GPRC6A: variants seen among roughly 807,000 people sequenced by gnomAD.
GPRC6A encodes the protein G protein-coupled receptor family C group 6 member A.
In GPRC6A, 54 loss-of-function variants were observed where a neutral mutation model predicts 47.0. That is an observed-to-expected ratio of 1.15 (90% CI 0.92 to 1.44). The LOEUF is 1.44. GPRC6A is among the 40% of genes most tolerant of loss of function. GPRC6A has a pLI of 0.00. For missense variants in GPRC6A, 1,112 were observed against 1,105.5 expected, an observed-to-expected ratio of 1.01 and a Z score of -0.08; for synonymous variants, 347 against 377.1, an observed-to-expected ratio of 0.92 and a Z score of 0.93.
At position 116,792,344 on chromosome 6, in the gene GPRC6A, C is replaced by T. The variant is rs765958789; in HGVS notation, c.2579G>A (p.Ser860Asn). ...LKMIYSYSSHSVSSIALSPAS... is the reference protein window; with the variant it reads ...LKMIYSYSSHNVSSIALSPAS... ...AGGACTCAGGGCAATGCTGCTCACA[C>T]TATGGGAAGAATAACTGTAGATCAT... The change falls in exon 6 of 6, where the codon AGT (serine) becomes AAT (asparagine). Residue 860 changes from serine to asparagine, a missense_variant. Coordinates refer to ENST00000310357, the MANE Select transcript of GPRC6A (RefSeq NM_148963.4). The T allele has an allele frequency of 2.0e-5, 32 of 1,613,896 alleles. No individual in the cohort carries two copies. The highest frequency in any genetic ancestry group is 2.6e-5 in the Non-Finnish European group (31 of 1,179,956).
chr6:116,824,199 A>G (rs1311241126), intron 1 of GPRC6A, among the ~76,000 whole-genome samples: 1 of 152,090 alleles, frequency 6.6e-6, no homozygotes, highest in African/African-American at 2.4e-5. Context: ...CTAGAAAAGC[A>G]AAAAAACATA....
chr6:116,825,349 C>A (rs112574480), intron 1 of GPRC6A, among the ~76,000 whole-genome samples: 7 of 151,984 alleles, frequency 4.6e-5, no homozygotes, highest in Non-Finnish European at 7.4e-5. Context: ...AAAGACTCCA[C>A]AAAAATCCTC....
At chr6:116,822,725 G>T (rs564713484) in intron 1 of GPRC6A, among the ~76,000 whole-genome samples, 1 of 129,082 alleles carries the variant, frequency 7.7e-6, no homozygotes, top group Non-Finnish European at 1.6e-5. Context: ...TTGGGGGAGG[G>T]GGGAGGGATA....
chr6:116,816,684 C>T (rs1214473799), intron 1 of GPRC6A, among the ~76,000 whole-genome samples: 2 of 152,190 alleles, frequency 1.3e-5, no homozygotes, highest in Non-Finnish European at 2.9e-5. Context: ...GTGCACGCAC[C>T]GTGCGCGAAC....
rs553166305 is a variant in GPRC6A, at chr6:116,792,569, G to A, written c.2354C>T (p.Thr785Ile). ...TATGAAGTAAATGAGCATGCCAAAT[G>A]TAATGAATTTGGCTTCATTGTAATT... Reference protein sequence around the residue: ...YENYNEAKFITFGMLIYFIAW... With the variant: ...YENYNEAKFIIFGMLIYFIAW... Residue 785 changes from threonine to isoleucine, a missense_variant, in exon 6 of 6, where the codon ACA becomes ATA. By Grantham distance (89) the Thr-to-Ile change is moderately conservative. Coordinates refer to ENST00000310357, the MANE Select transcript of GPRC6A (RefSeq NM_148963.4). 5 of 1,611,218 alleles carry A rather than the reference G, an allele frequency of 3.1e-6. No homozygotes were observed. The highest frequency in any genetic ancestry group is 2.5e-6 in the Non-Finnish European group (3 of 1,178,512).
At chr6:116,799,623 T>C (rs7768739) in intron 4 of GPRC6A, among the ~76,000 whole-genome samples, 25,006 of 151,980 alleles carry the variant, frequency 0.16, 3,336 homozygotes, top group African/African-American at 0.37. Context: ...GAAATTGGGG[T>C]CATTAAATGT....
At chr6:116,822,012 A>T in intron 1 of GPRC6A, among the ~76,000 whole-genome samples, 1 of 143,368 alleles carries the variant, frequency 7.0e-6, no homozygotes, top group Admixed American at 7.0e-5. Flanking sequence ...ACAAATTTAC[A>T]AGAAAAAAAC....
chr6:116,795,936 T>C (rs1772473733), intron 4 of GPRC6A, 101 bp from the exon 5 acceptor site: 1 of 728,584 alleles, frequency 1.4e-6, no homozygotes, highest in Non-Finnish European at 2.1e-6. Flanking sequence ...TACTAAATAC[T>C]ATTTTGGTCT....
chr6:116,793,636 C>G (rs1252224397), intron 5 of GPRC6A, among the ~76,000 whole-genome samples: 1 of 152,120 alleles, frequency 6.6e-6, no homozygotes. Flanking sequence ...CTTATAATTC[C>G]TGTAAACTTG....
chr6:116,820,660 C>A (rs1386280266), intron 1 of GPRC6A, among the ~76,000 whole-genome samples: 4 of 151,470 alleles, frequency 2.6e-5, no homozygotes, highest in East Asian at 3.9e-4. Flanking sequence ...ATTCAACAAC[C>A]CTTCATGCTA....
At chr6:116,814,209 A>G (rs975350097) in intron 1 of GPRC6A, among the ~76,000 whole-genome samples, 1 of 152,192 alleles carries the variant, frequency 6.6e-6, no homozygotes, top group African/African-American at 2.4e-5. Flanking sequence ...TTCCTCAAGG[A>G]TCTAGAACTG....
rs776060566 is a variant in GPRC6A at position 116,792,688 on chromosome 6, C to T, written c.2235G>A (p.Glu745=). Residue 745 remains glutamate, a synonymous_variant, in exon 6 of 6, where the codon GAG becomes GAA. Transcript: ENST00000310357. ...TGCCAAATGCAAGTATGGATCCCTC[C>T]TCACACTCCAGGATGATGACTCTGG... ...SLPRVIILEC[E]EGSILAFGTM... 6 of 1,613,250 alleles carry T rather than the reference C, an allele frequency of 3.7e-6. No homozygotes were observed. The highest frequency in any genetic ancestry group is 2.7e-5 in the African/African-American group (2 of 75,028).
chr6:116,806,672 A>G lies in GPRC6A; in HGVS notation c.1033T>C (p.Leu345=). The G allele has an allele frequency of 1.2e-6, 2 of 1,613,600 alleles. No individual in the cohort carries two copies. The highest frequency in any genetic ancestry group is 1.7e-6 in the Non-Finnish European group (2 of 1,179,794). The change falls in exon 3 of 6, where the codon TTG becomes CTG. Residue 345 remains leucine (L), a synonymous_variant. Transcript: ENST00000310357. ...AGTTTGTGACTGTCACTGGGAAGCA[A>G]GTGCAGATTTTGAAGAAAGGAATGG... is the stretch of plus-strand genomic sequence containing the variant. ...SFHSFLQNLH[L]LPSDSHKLLH... is the part of the protein sequence containing the mutation.
chr6:116,827,596 AT>A (rs1773715329), intron 1 of GPRC6A, among the ~76,000 whole-genome samples: 3 of 151,938 alleles, frequency 2.0e-5, no homozygotes, highest in African/African-American at 7.2e-5. Context: ...CAACGGAGTG[AT>A]TTTTTAAAAT....
At chr6:116,796,792 A>G (rs1376681520) in intron 4 of GPRC6A, among the ~76,000 whole-genome samples, 1 of 152,174 alleles carries the variant, frequency 6.6e-6, no homozygotes, top group Non-Finnish European at 1.5e-5. Flanking sequence ...TTCAGCAGGC[A>G]GTATATATGC....
At chr6:116,821,521 A>G (rs1378460082) in intron 1 of GPRC6A, among the ~76,000 whole-genome samples, 1 of 152,178 alleles carries the variant, frequency 6.6e-6, no homozygotes, top group Non-Finnish European at 1.5e-5. Context: ...GATATAGATC[A>G]ATGGAACAGA....
At chr6:116,810,436 T>C (rs1772986267) in intron 1 of GPRC6A, among the ~76,000 whole-genome samples, 1 of 152,122 alleles carries the variant, frequency 6.6e-6, no homozygotes, top group Non-Finnish European at 1.5e-5. Context: ...TCTTACTATG[T>C]TTCCTTCTGC....
In GPRC6A at chr6:116,792,986, C is replaced by T; in HGVS notation, c.1937G>A (p.Ser646Asn). 1 of 1,614,070 alleles carries T rather than the reference C, an allele frequency of 6.2e-7. No individual in the cohort carries two copies. The highest frequency in any genetic ancestry group is 8.5e-7 in the Non-Finnish European group (1 of 1,179,974). Residue 646 changes from serine to asparagine, a missense_variant, in exon 6 of 6, where the codon AGC (serine) becomes AAC (asparagine). Coordinates refer to ENST00000310357, the MANE Select transcript of GPRC6A (RefSeq NM_148963.4). Reference sequence around the variant, plus strand: ...TGGTTCTCCAATGAAAAAGCTCGTGCTGGCAAAATTGAGGAAATGACAGAG... The same window carrying T: ...TGGTTCTCCAATGAAAAAGCTCGTGTTGGCAAAATTGAGGAAATGACAGAG... ...ILLCHFLNFA[S>N]TSFFIGEPQD... is the part of the protein sequence containing the mutation.
At chr6:116,826,038 C>A (rs574686149) in intron 1 of GPRC6A, among the ~76,000 whole-genome samples, 119 of 151,782 alleles carry the variant, frequency 7.8e-4, no homozygotes, top group African/African-American at 2.8e-3. Flanking sequence ...ATACAAAAAT[C>A]AACTCTAGGT....
Sources: allele counts gnomAD v4.1 joint callset (sites outside exome capture counted in the v4.1 genomes callset), GRCh38; gene constraint gnomAD v4.1.1; transcripts MANE v1.5; gene names NCBI Gene and HGNC (gene_info 2026-07-23, HGNC 2026-07-21).